Variants in PTGER4 observed in about 807,000 individuals in gnomAD.
PTGER4 encodes prostaglandin E2 receptor EP4 subtype.
A neutral mutation model predicts 33.2 loss-of-function variants in PTGER4; 11 were observed. The observed-to-expected ratio is 0.33, with a 90% confidence interval of 0.21 to 0.55. The LOEUF is 0.55. Ranked by LOEUF, PTGER4 falls within the 20% of genes least tolerant of loss-of-function variation. The probability of loss-of-function intolerance (pLI) is 0.92; values close to 1 mark genes in which losing one functional copy is unlikely to be tolerated. For synonymous variants in PTGER4, 275 were observed against 281.5 expected, an observed-to-expected ratio of 0.98 and a Z score of 0.23; for missense variants, 481 against 650.2, an observed-to-expected ratio of 0.74 and a Z score of 2.83.
chr5:40,735,493 CAG>C, the PTGER4 span, among the ~76,000 whole-genome samples: 1 of 152,120 alleles, frequency 6.6e-6, no homozygotes, highest in Non-Finnish European at 1.5e-5. Flanking sequence ...ACCTGGAAAA[CAG>C]AGCCTGAGGC....
the PTGER4 span, among the ~76,000 whole-genome samples, chr5:40,741,265 G>A: frequency 6.6e-6 from 1 of 152,162 alleles, no homozygotes; most frequent in Admixed American, 6.5e-5. Flanking sequence ...GGGAAGGTCT[G>A]AAGTAGCCTT....
the PTGER4 span, among the ~76,000 whole-genome samples, chr5:40,740,094 GCTAT>G: frequency 3.4e-4 from 52 of 151,814 alleles, no homozygotes; most frequent in African/African-American, 1.2e-3. Context: ...ATCCCTTCAT[GCTAT>G]CTATTACAAT....
intron 2 of PTGER4, among the ~76,000 whole-genome samples, chr5:40,689,594 G>A (rs1404578908): frequency 4.6e-5 from 7 of 151,902 alleles, no homozygotes; most frequent in African/African-American, 1.7e-4. Flanking sequence ...TCAATGAATC[G>A]CCTTTTCCGT....
chr5:40,701,853 C>G, the PTGER4 span, among the ~76,000 whole-genome samples: 2 of 152,204 alleles, frequency 1.3e-5, no homozygotes, highest in Non-Finnish European at 2.9e-5. Flanking sequence ...AGCCTACAAG[C>G]CAGAAGAGAT....
At chr5:40,730,238 A>G in the PTGER4 span, 6 of 1,558,222 alleles carry the variant, frequency 3.9e-6, no homozygotes, top group Non-Finnish European at 5.3e-6. Context: ...TCATAAGGAA[A>G]GTGAAATTCT....
chr5:40,725,677 C>T, the PTGER4 span, among the ~76,000 whole-genome samples: 5 of 152,142 alleles, frequency 3.3e-5, no homozygotes, highest in African/African-American at 1.2e-4. Context: ...TTCCCAGTCT[C>T]CTTCCCTCTC....
At chr5:40,738,284 C>A in the PTGER4 span, among the ~76,000 whole-genome samples, 33,114 of 151,338 alleles carry the variant, frequency 0.22, 4,346 homozygotes, top group Admixed American at 0.37. Flanking sequence ...TAGAGTGGTG[C>A]GCGCCTGTAA....
chr5:40,710,389 A>G, the PTGER4 span, among the ~76,000 whole-genome samples: 41 of 152,358 alleles, frequency 2.7e-4, no homozygotes, highest in African/African-American at 9.4e-4. Flanking sequence ...ACCATCTAAC[A>G]CCAGTTAGAA....
the PTGER4 span, among the ~76,000 whole-genome samples, chr5:40,736,903 C>A: frequency 6.6e-6 from 1 of 152,272 alleles, no homozygotes; most frequent in East Asian, 1.9e-4. Flanking sequence ...TATACCATCT[C>A]TATTAAGCAC....
chr5:40,696,715 A>T (rs1741589165), downstream of PTGER4: 1 of 983,488 alleles, frequency 1.0e-6, no homozygotes, highest in African/African-American at 1.7e-5. Context: ...CACTTTTCCT[A>T]AGAACGTTTA....
chr5:40,708,574 T>G, the PTGER4 span, among the ~76,000 whole-genome samples: 5 of 152,102 alleles, frequency 3.3e-5, no homozygotes, highest in African/African-American at 1.2e-4. Context: ...CAGGACCAGA[T>G]GGATTCACAG....
downstream of PTGER4, among the ~76,000 whole-genome samples, chr5:40,697,478 G>A (rs376239435): frequency 1.5e-4 from 23 of 151,464 alleles, no homozygotes; most frequent in African/African-American, 5.6e-4. Context: ...CCAGCTACTC[G>A]GGAGGCTGAG....
At chr5:40,684,816 G>T (rs1579644323) in intron 2 of PTGER4, among the ~76,000 whole-genome samples, 1 of 152,240 alleles carries the variant, frequency 6.6e-6, no homozygotes, top group African/African-American at 2.4e-5. Context: ...TTTATAACCA[G>T]TCTCATAGTT....
At chr5:40,697,552 T>A (rs1741640958), downstream of PTGER4, among the ~76,000 whole-genome samples, 1 of 137,984 alleles carries the variant, frequency 7.2e-6, no homozygotes, top group Non-Finnish European at 1.5e-5. Context: ...GCCATTGCAC[T>A]CTAGCCTGGG....
chr5:40,702,286 A>G, the PTGER4 span, among the ~76,000 whole-genome samples: 38 of 152,224 alleles, frequency 2.5e-4, 1 homozygote, highest in African/African-American at 9.2e-4. Context: ...GACCCATCTC[A>G]CACATAATGA....
At position 40,692,740 on chromosome 5, in the gene PTGER4, G is replaced by C. The variant is rs901581857; in HGVS notation, c.*362G>C. On this transcript the variant is annotated 3_prime_UTR_variant, in exon 3 of 3. Transcript: ENST00000302472. ...CAGCAGAGGCCCAGATATTAGAAAGGCTCTATTCCAATAAACTATGAGGAC... is the reference window on the plus strand; with the variant it reads ...CAGCAGAGGCCCAGATATTAGAAAGCCTCTATTCCAATAAACTATGAGGAC... The C allele has an allele frequency of 3.8e-5, 39 of 1,014,842 alleles. No individual in the cohort carries two copies. The highest frequency in any genetic ancestry group is 4.6e-5 in the Non-Finnish European group (39 of 847,882). 62.9% of individuals were successfully genotyped at this position (1,014,842 alleles called of 1,614,324 possible). A position where few individuals can be genotyped will look rare whatever the true frequency, so the allele number is the denominator to read the frequency against.
chr5:40,732,431 A>G, the PTGER4 span, among the ~76,000 whole-genome samples: 1 of 151,798 alleles, frequency 6.6e-6, no homozygotes, highest in Non-Finnish European at 1.5e-5. Context: ...TCTTAAAAAT[A>G]CAAGACCAAT....
At chr5:40,712,396 C>T in the PTGER4 span, among the ~76,000 whole-genome samples, 1 of 152,096 alleles carries the variant, frequency 6.6e-6, no homozygotes, top group East Asian at 1.9e-4. Context: ...AATAATGTCC[C>T]TCTCCTCTCC....
chr5:40,698,121 CA>C (rs1741656669), downstream of PTGER4, among the ~76,000 whole-genome samples: 1 of 30,490 alleles, frequency 3.3e-5, no homozygotes, highest in Non-Finnish European at 7.6e-5. Context: ...AAAAAAAAAC[CA>C]TGAAAAATTA....
Sources: allele counts gnomAD v4.1 joint callset (sites outside exome capture counted in the v4.1 genomes callset), GRCh38; gene constraint gnomAD v4.1.1; transcripts MANE v1.5; gene names NCBI Gene and HGNC (gene_info 2026-07-23, HGNC 2026-07-21).